Variants in FTO observed in about 807,000 individuals in gnomAD.
The protein encoded by FTO is alpha-ketoglutarate-dependent dioxygenase FTO.
Under a neutral mutation model 63.9 loss-of-function variants are expected in FTO, and 47 were observed. The observed-to-expected ratio is 0.74, with a 90% confidence interval of 0.58 to 0.94. The LOEUF (loss-of-function observed/expected upper bound fraction) is 0.94. Among genes scored for constraint, FTO ranks in the 40% least tolerant of loss-of-function variants. The probability of loss-of-function intolerance (pLI) is 0.00; values close to 1 mark genes in which losing one functional copy is unlikely to be tolerated. For missense variants in FTO, 562 were observed against 618.1 expected (o/e 0.91, Z 0.96); for synonymous variants, 207 against 224.4 (o/e 0.92, Z 0.69).
In FTO at chr16:54,111,937, G is replaced by C. The variant is rs377203206; in HGVS notation, c.*22G>C. On this transcript the variant is annotated 3_prime_UTR_variant, in exon 9 of 9. Coordinates refer to ENST00000471389, the MANE Select transcript of FTO (RefSeq NM_001080432.3). ...CTAGAAGGAGCACAAGTCTCAGGCG[G>C]AGGAGAAAAAGAGATCGGCTTTTCT... The C allele has an allele frequency of 1.5e-5, 24 of 1,613,848 alleles. No homozygotes were observed. Among genetic ancestry groups the C allele is most frequent in the Non-Finnish European group, 2.0e-5 (24 of 1,179,952 alleles).
chr16:53,752,702 T>C (rs1227764823), intron 1 of FTO, among the ~76,000 whole-genome samples: 1 of 152,174 alleles, frequency 6.6e-6, no homozygotes, highest in African/African-American at 2.4e-5. Flanking sequence ...AATTATGTGG[T>C]TCCACTGTAA....
At chr16:54,018,978 G>C (rs1340294899) in intron 8 of FTO, among the ~76,000 whole-genome samples, 2 of 152,162 alleles carry the variant, frequency 1.3e-5, no homozygotes, top group African/African-American at 4.8e-5. Flanking sequence ...TAGGACAGCT[G>C]TAGGTGTGAT....
At chr16:53,962,341 C>T (rs374483534) in intron 8 of FTO, among the ~76,000 whole-genome samples, 54 of 152,188 alleles carry the variant, frequency 3.5e-4, no homozygotes, top group Admixed American at 2.9e-3. Flanking sequence ...CCAATCATAA[C>T]GTTACTTTAA....
At chr16:53,993,993 T>C (rs879848411) in intron 8 of FTO, 1 of 152,248 alleles carries the variant, frequency 6.6e-6, no homozygotes, top group Non-Finnish European at 1.5e-5. Flanking sequence ...AAGCTCTTTG[T>C]GTTTATAAAC....
At chr16:53,834,303 C>T (rs1309377070) in intron 3 of FTO, among the ~76,000 whole-genome samples, 1 of 152,128 alleles carries the variant, frequency 6.6e-6, no homozygotes, top group Non-Finnish European at 1.5e-5. Flanking sequence ...GGATTATAGG[C>T]GTGAGCCACC....
chr16:54,007,752 C>T (rs1297641113), intron 8 of FTO, among the ~76,000 whole-genome samples: 5 of 152,186 alleles, frequency 3.3e-5, no homozygotes, highest in African/African-American at 9.7e-5. Context: ...GGTCCTGTGT[C>T]GCCAGAGCTT....
intron 6 of FTO, among the ~76,000 whole-genome samples, chr16:53,885,143 G>A (rs539379794): frequency 8.5e-5 from 13 of 152,278 alleles, no homozygotes; most frequent in African/African-American, 2.4e-4. Context: ...TGTATTTTGC[G>A]TTCTGACTCT....
chr16:53,742,799 A>C (rs1424315338), intron 1 of FTO, among the ~76,000 whole-genome samples: 1 of 152,194 alleles, frequency 6.6e-6, no homozygotes, highest in Non-Finnish European at 1.5e-5. Flanking sequence ...AAAGCCCAAT[A>C]AGATTAACTA....
chr16:53,880,457 T>C (rs1303711331), intron 6 of FTO, among the ~76,000 whole-genome samples: 2 of 152,238 alleles, frequency 1.3e-5, no homozygotes, highest in Admixed American at 6.5e-5. Context: ...AGTCTCCGTA[T>C]TTTTGTGTTA....
intron 8 of FTO, among the ~76,000 whole-genome samples, chr16:53,996,980 G>A (rs148671601): frequency 2.0e-5 from 3 of 152,198 alleles, no homozygotes; most frequent in Non-Finnish European, 2.9e-5. Flanking sequence ...TGGCGTGGTG[G>A]CGGGTGCCTG....
At chr16:54,007,122 T>C (rs755629944) in intron 8 of FTO, among the ~76,000 whole-genome samples, 6 of 152,210 alleles carry the variant, frequency 3.9e-5, no homozygotes, top group Non-Finnish European at 5.9e-5. Context: ...AAGGCCGATA[T>C]GGTTTTGGGG....
chr16:54,016,304 A>C (rs1468351675), intron 8 of FTO, among the ~76,000 whole-genome samples: 1 of 151,040 alleles, frequency 6.6e-6, no homozygotes, highest in Non-Finnish European at 1.5e-5. Context: ...AAAAAAAAAA[A>C]AAAAAAAAAA....
At chr16:54,107,073 T>C (rs1330450866) in intron 8 of FTO, among the ~76,000 whole-genome samples, 2 of 147,374 alleles carry the variant, frequency 1.4e-5, no homozygotes, top group Non-Finnish European at 3.0e-5. Flanking sequence ...TATTTGTATT[T>C]ATTATATTTA....
intron 8 of FTO, among the ~76,000 whole-genome samples, chr16:54,031,353 C>T (rs575816962): frequency 6.6e-6 from 1 of 152,208 alleles, no homozygotes; most frequent in African/African-American, 2.4e-5. Context: ...AATCTCAGGA[C>T]CAGCTAAGTG....
intron 1 of FTO, among the ~76,000 whole-genome samples, chr16:53,800,378 A>G (rs1339761481): frequency 1.3e-5 from 2 of 152,176 alleles, no homozygotes; most frequent in African/African-American, 4.8e-5. Flanking sequence ...TATGATTTCA[A>G]TCCTTATAAA....
chr16:53,958,314 A>G (rs886930182), intron 8 of FTO, among the ~76,000 whole-genome samples: 4 of 152,182 alleles, frequency 2.6e-5, no homozygotes, highest in South Asian at 2.1e-4. Flanking sequence ...TTGTGAGTAT[A>G]GTTTCTTATG....
At chr16:53,785,396 CA>C (rs1470076459) in intron 1 of FTO, among the ~76,000 whole-genome samples, 2 of 151,938 alleles carry the variant, frequency 1.3e-5, no homozygotes, top group Admixed American at 6.6e-5. Flanking sequence ...GGGAGAGAGA[CA>C]AAAATTAAGT....
chr16:53,711,369 C>G (rs1394702737), intron 1 of FTO: 1 of 398,300 alleles, frequency 2.5e-6, no homozygotes, highest in African/African-American at 2.1e-5. Context: ...AGATAAGGAA[C>G]CTGATTAAGT....
chr16:53,879,719 A>T, intron 5 of FTO, 125 bp from the exon 6 acceptor site: 7 of 872,666 alleles, frequency 8.0e-6, no homozygotes, highest in Non-Finnish European at 1.3e-5. Context: ...AAAAAGGAGT[A>T]TAGACTGAGC....
Sources: allele counts gnomAD v4.1 joint callset (sites outside exome capture counted in the v4.1 genomes callset), GRCh38; gene constraint gnomAD v4.1.1; transcripts MANE v1.5; gene names NCBI Gene and HGNC (gene_info 2026-07-23, HGNC 2026-07-21).